The following SCG3 variants were observed in gnomAD, a reference collection of about 807,000 sequenced individuals.
The protein encoded by SCG3 is secretogranin-3.
In SCG3, 38 loss-of-function variants were observed where a neutral mutation model predicts 56.2. The observed-to-expected ratio is 0.68, with a 90% CI of 0.52 to 0.89. The LOEUF (loss-of-function observed/expected upper bound fraction) is 0.89. Among genes scored for constraint, SCG3 ranks in the 40% least tolerant of loss-of-function variants. SCG3 has a pLI of 0.00. For synonymous variants in SCG3, 176 were observed against 184.2 expected (o/e 0.96, Z 0.36); for missense variants, 524 against 540.7 (o/e 0.97, Z 0.31).
Position 51,692,251 on chromosome 15 carries a change from G to GAGA in SCG3, c.785_787dup (p.Arg262dup). 6.2e-7 allele frequency: 1 copy of GAGA among 1,614,098 alleles called. No individual in the cohort carries two copies. ...TAACCTTGACAAATGGCTTGGAAAG[G>GAGA]AGAACTAAAACCTACAGTGAAGACA... is the stretch of plus-strand genomic sequence containing the variant. On this transcript the variant is annotated inframe_insertion, in exon 7 of 12. Transcript: ENST00000220478.
chr15:51,710,011 C>T (rs563823266), intron 10 of SCG3, among the ~76,000 whole-genome samples: 1 of 150,224 alleles, frequency 6.7e-6, no homozygotes, highest in African/African-American at 2.4e-5. Flanking sequence ...GCTGGGATTA[C>T]AGGCATGAGC....
At chr15:51,687,940 A>G (rs2622767) in intron 4 of SCG3, among the ~76,000 whole-genome samples, 39,685 of 152,096 alleles carry the variant, frequency 0.26, 5,765 homozygotes, top group East Asian at 0.55. Context: ...TAAATATGGC[A>G]TACTATGTTA....
At chr15:51,706,712 A>G (rs2055378634) in intron 10 of SCG3, among the ~76,000 whole-genome samples, 1 of 152,030 alleles carries the variant, frequency 6.6e-6, no homozygotes, top group East Asian at 1.9e-4. Context: ...ATAATACTCT[A>G]TATTTATATC....
chr15:51,689,526 T>G (rs2055253380), intron 6 of SCG3, among the ~76,000 whole-genome samples, 158 bp downstream of exon 6: 1 of 152,102 alleles, frequency 6.6e-6, no homozygotes, highest in African/African-American at 2.4e-5. Context: ...CCAGACATGT[T>G]GGCTCAAACC....
intron 10 of SCG3, among the ~76,000 whole-genome samples, chr15:51,712,923 C>T (rs1418113655): frequency 6.6e-6 from 1 of 152,180 alleles, no homozygotes; most frequent in Non-Finnish European, 1.5e-5. Context: ...TAAGTATCTG[C>T]CACTCTCATT....
intron 10 of SCG3, among the ~76,000 whole-genome samples, chr15:51,703,773 A>G (rs75213249): frequency 0.015 from 2,353 of 152,304 alleles, 70 homozygotes; most frequent in East Asian, 0.11. Context: ...GACAGGGCTG[A>G]AAAATATAAT....
intron 7 of SCG3, 131 bp from the exon 8 acceptor site, chr15:51,695,744 C>G (rs910925488): frequency 1.3e-5 from 8 of 600,068 alleles, no homozygotes; most frequent in African/African-American, 1.2e-4. Flanking sequence ...CTGGGCCACA[C>G]AGTGAGACCT....
Position 51,683,352 on chromosome 15 carries a change from G to A in SCG3, c.315G>A (p.Val105=), listed in dbSNP as rs1489450769. 1.3e-5 allele frequency: 21 copies of A among 1,613,364 alleles called. No homozygotes were observed. Among genetic ancestry groups the A allele is most frequent in the Non-Finnish European group, 1.7e-5 (20 of 1,179,562 alleles). Residue 105 remains valine (V), a synonymous_variant, in exon 4 of 12, where the codon GTG becomes GTA. Coordinates refer to ENST00000220478, the MANE Select transcript of SCG3 (RefSeq NM_013243.4). The stretch of plus-strand genomic sequence containing the variant: ...CCCCACTTGATAATAAGTTGAATGT[G>A]GAAGATGTTGATTCAACCAAGAATC... ...RSSPLDNKLN[V]EDVDSTKNRK...
In SCG3 at chr15:51,681,561, C is replaced by G. The variant is rs912857349; in HGVS notation, c.-195C>G. Reference sequence around the variant, plus strand: ...CTCCCCTCTACCTGGAGACTTGACTCCCGCGCGCCCCAACCCTGCTTATCC... The same window carrying G: ...CTCCCCTCTACCTGGAGACTTGACTGCCGCGCGCCCCAACCCTGCTTATCC... On this transcript the variant is annotated 5_prime_UTR_variant, in exon 1 of 12. Transcript: ENST00000220478. The G allele has an allele frequency of 6.8e-6, 4 of 585,944 alleles. No individual in the cohort carries two copies. Among genetic ancestry groups the G allele is most frequent in the Non-Finnish European group, 1.2e-5 (4 of 326,772 alleles). The allele number at this position is 585,944 out of a possible 1,614,324, so 36.3% of individuals were successfully genotyped here.
In SCG3 at chr15:51,701,093, C is replaced by T. The variant is rs1284196778; in HGVS notation, c.1070-14C>T. Reference sequence around the variant, plus strand: ...GAAACAGGGCTATGACAACAATGCTCAATCTGATTACAGCACCATCAGAGA... The same window carrying T: ...GAAACAGGGCTATGACAACAATGCTTAATCTGATTACAGCACCATCAGAGA... On this transcript the variant is annotated splice_polypyrimidine_tract_variant and intron_variant, in intron 9 of 11. Coordinates refer to ENST00000220478, the MANE Select transcript of SCG3 (RefSeq NM_013243.4). 1 of 1,613,106 alleles carries T rather than the reference C, an allele frequency of 6.2e-7. No individual in the cohort carries two copies. The highest frequency in any genetic ancestry group is 1.7e-5 in the Admixed American group (1 of 59,938).
chr15:51,681,803 G>T lies in SCG3; in HGVS notation c.48G>T (p.Pro16=), dbSNP rs1224289871. 3.7e-6 allele frequency: 6 copies of T among 1,614,130 alleles called. No homozygotes were observed. The change falls in exon 1 of 12, where the codon CCG becomes CCT. Residue 16 remains proline (P), a synonymous_variant. Transcript: ENST00000220478. ...TGTWILVLVL[P]IQAFPKPGGS... is the part of the protein sequence containing the mutation. ...CTTGGATTCTGGTGTTAGTGCTCCC[G>T]ATTCAAGCTTTCCCCAAACCTGGAG...
rs74013502 is a variant in SCG3, at chr15:51,686,111, G to C, written c.398-2149G>C. Among the ~76,000 whole-genome samples the C allele has an allele frequency of 4.5e-3, 690 of 152,318 alleles. 6 individuals carry two copies. The highest frequency in any genetic ancestry group is 0.016 in the African/African-American group (662 of 41,572). On this transcript the variant is annotated intron_variant, in intron 4 of 11. Coordinates refer to ENST00000220478, the MANE Select transcript of SCG3 (RefSeq NM_013243.4). ...TTTGACATTCACTTAGAATGTTGTG[G>C]CTACTTAACAAAAGTTATGTGTTAA... is the stretch of plus-strand genomic sequence containing the variant.
intron 11 of SCG3, among the ~76,000 whole-genome samples, chr15:51,718,657 A>G (rs2055475234): frequency 6.6e-6 from 1 of 152,140 alleles, no homozygotes; most frequent in South Asian, 2.1e-4. Context: ...AAAAGGCTTC[A>G]GAAAGGTGTC....
chr15:51,716,339 C>T (rs552744841), intron 11 of SCG3, among the ~76,000 whole-genome samples: 7 of 152,194 alleles, frequency 4.6e-5, no homozygotes, highest in Non-Finnish European at 8.8e-5. Context: ...GCCTTAGGTG[C>T]GGTGCCTGCA....
At chr15:51,707,047 T>A (rs2141576139) in intron 10 of SCG3, among the ~76,000 whole-genome samples, 1 of 152,364 alleles carries the variant, frequency 6.6e-6, no homozygotes, top group Non-Finnish European at 1.5e-5. Flanking sequence ...CTTTATTTCA[T>A]TATCTAAGTG....
intron 10 of SCG3, among the ~76,000 whole-genome samples, chr15:51,705,355 T>C (rs2055368537): frequency 6.6e-6 from 1 of 152,106 alleles, no homozygotes; most frequent in Admixed American, 6.5e-5. Context: ...ATGTAAAAAA[T>C]GAATATAAAA....
chr15:51,701,735 A>T (rs966419993), intron 10 of SCG3, among the ~76,000 whole-genome samples: 1 of 152,100 alleles, frequency 6.6e-6, no homozygotes, highest in African/African-American at 2.4e-5. Flanking sequence ...GAAAAACCTC[A>T]TTTCTACAAA....
rs891779255 is a variant in SCG3, at chr15:51,681,962, C to T, written c.82+125C>T. The T allele has an allele frequency of 3.6e-5, 25 of 689,274 alleles. No homozygotes were observed. In the African/African-American group the frequency reaches 3.8e-4, roughly 10 times the overall value. The allele number at this position is 689,274 out of a possible 1,614,324, so 42.7% of individuals were successfully genotyped here. A position where few individuals can be genotyped will look rare whatever the true frequency, so the allele number is the denominator to read the frequency against. On this transcript the variant is annotated intron_variant, in intron 1 of 11. Coordinates refer to ENST00000220478, the MANE Select transcript of SCG3 (RefSeq NM_013243.4). ...TCTGATCAAATCATATCCATGAATA[C>T]GGACAGAGAAATCAGTTCGAATTTA...
At chr15:51,717,367 CAAA>C (rs142033310) in intron 11 of SCG3, among the ~76,000 whole-genome samples, 44 of 125,642 alleles carry the variant, frequency 3.5e-4, no homozygotes, top group Admixed American at 3.3e-3. Context: ...GACTCCGTCT[CAAA>C]AAAAAAAAAA....
Sources: gnomAD v4.1 joint callset for allele counts (sites outside exome capture counted in the v4.1 genomes callset) on GRCh38, gnomAD v4.1.1 for gene constraint, MANE v1.5 for transcripts, NCBI Gene and HGNC (gene_info 2026-07-23, HGNC 2026-07-21) for gene names.